Variants in ANXA10 observed in about 807,000 individuals in gnomAD.
The protein encoded by ANXA10 is annexin A10.
ANXA10 carries 49 observed loss-of-function variants against 53.5 expected under a neutral mutation model. The observed-to-expected ratio is 0.92, with a 90% confidence interval of 0.73 to 1.16. The LOEUF is 1.16. Among genes scored for constraint, ANXA10 ranks in the 50% most tolerant of loss-of-function variants. The pLI is 0.00. For missense variants in ANXA10, 393 were observed against 394.4 expected (o/e 1.00, Z 0.03); for synonymous variants, 131 against 128.9 (o/e 1.02, Z -0.11).
At chr4:168,153,226 T>G (rs757514462) in intron 3 of ANXA10, among the ~76,000 whole-genome samples, 7 of 151,988 alleles carry the variant, frequency 4.6e-5, no homozygotes, top group Admixed American at 1.3e-4. Context: ...AGTTTCTAGA[T>G]AGATTTGTAA....
At chr4:168,143,688 C>A (rs989234768) in intron 3 of ANXA10, among the ~76,000 whole-genome samples, 2 of 152,048 alleles carry the variant, frequency 1.3e-5, no homozygotes, top group Non-Finnish European at 2.9e-5. Flanking sequence ...AGCATTGATG[C>A]AATTAATTTT....
chr4:168,099,587 C>T (rs955034561), intron 1 of ANXA10, among the ~76,000 whole-genome samples: 4 of 152,050 alleles, frequency 2.6e-5, no homozygotes, highest in African/African-American at 9.7e-5. Context: ...ACAACTGAAC[C>T]TAATACAACT....
intron 6 of ANXA10, among the ~76,000 whole-genome samples, chr4:168,165,608 T>C (rs979068019): frequency 6.6e-6 from 1 of 152,154 alleles, no homozygotes; most frequent in Non-Finnish European, 1.5e-5. Flanking sequence ...TAATTTTATA[T>C]TCTGAGAAAA....
At chr4:168,120,714 G>GA (rs1730971381) in intron 1 of ANXA10, among the ~76,000 whole-genome samples, 1 of 151,932 alleles carries the variant, frequency 6.6e-6, no homozygotes, top group East Asian at 1.9e-4. Context: ...ATCTAAAATT[G>GA]AAAAATTGTT....
chr4:168,165,655 T>C (rs1295502650), intron 6 of ANXA10, among the ~76,000 whole-genome samples: 1 of 152,138 alleles, frequency 6.6e-6, no homozygotes, highest in African/African-American at 2.4e-5. Flanking sequence ...AAATTAATAA[T>C]TCTAATTAGA....
intron 1 of ANXA10, among the ~76,000 whole-genome samples, chr4:168,110,568 T>TGAAG (rs1344990708): frequency 6.6e-6 from 1 of 152,084 alleles, no homozygotes; most frequent in East Asian, 1.9e-4. Context: ...CTGTTATTTC[T>TGAAG]AACTCTGTAA....
At chr4:168,130,682 G>A (rs1005290638) in intron 2 of ANXA10, among the ~76,000 whole-genome samples, 1 of 151,842 alleles carries the variant, frequency 6.6e-6, no homozygotes, top group Non-Finnish European at 1.5e-5. Flanking sequence ...CTATGAGTTT[G>A]GGTAGGTTGT....
At chr4:168,158,028 C>T (rs898581771) in intron 3 of ANXA10, among the ~76,000 whole-genome samples, 2 of 152,096 alleles carry the variant, frequency 1.3e-5, no homozygotes, top group African/African-American at 2.4e-5. Context: ...AGTTTGCTAA[C>T]GTGGTTGCAA....
In ANXA10 at chr4:168,177,964, CT is replaced by C. The variant is rs758878378; in HGVS notation, c.610del (p.Tyr204ThrfsTer20). 1.2e-6 allele frequency: 2 copies of C among 1,613,614 alleles called. No individual in the cohort carries two copies. Among genetic ancestry groups the C allele is most frequent in the Admixed American group, 3.3e-5 (2 of 60,016 alleles). ...MLQMILCNKS[Y>X]QQLRLVFQEF... ...TGCAAATGATCCTGTGCAACAAGAG[CT>C]ACCAGCAGCTGCGGCTGGGTAATTA... On this transcript the variant is annotated frameshift_variant, in exon 8 of 12. Transcript: ENST00000359299. LOFTEE classifies it high-confidence loss of function.
chr4:168,187,396 C>A lies in ANXA10; in HGVS notation c.937C>A (p.Leu313Met). Residue 313 changes from leucine (L) to methionine (M), a missense_variant, in exon 12 of 12, where the codon CTG becomes ATG. Transcript: ENST00000359299. ...TGCTTCAGGGCATTATAAGAAAGCACTGCTTGCCATCTGTGCTGGTGATGC... is the reference window on the plus strand; with the variant it reads ...TGCTTCAGGGCATTATAAGAAAGCAATGCTTGCCATCTGTGCTGGTGATGC... ...NFASGHYKKA[L>M]LAICAGDAED... is the part of the protein sequence containing the mutation. 5 of 1,599,442 alleles carry A rather than the reference C, an allele frequency of 3.1e-6. No individual in the cohort carries two copies. The highest frequency in any genetic ancestry group is 1.7e-5 in the Admixed American group (1 of 59,514).
chr4:168,174,009 C>T (rs1732070117), intron 6 of ANXA10, among the ~76,000 whole-genome samples: 1 of 152,212 alleles, frequency 6.6e-6, no homozygotes, highest in East Asian at 1.9e-4. Flanking sequence ...AACTACCTGA[C>T]TTTGGGTAAG....
At chr4:168,092,758 T>A in intron 1 of ANXA10, 40 bp downstream of exon 1, 1 of 1,480,300 alleles carries the variant, frequency 6.8e-7, no homozygotes, top group Non-Finnish European at 9.0e-7. Flanking sequence ...TTTCACTCTT[T>A]TGAAACTTGA....
At chr4:168,148,760 C>A (rs138481527) in intron 3 of ANXA10, among the ~76,000 whole-genome samples, 70 of 151,630 alleles carry the variant, frequency 4.6e-4, no homozygotes, top group Middle Eastern at 3.5e-3. Context: ...TTTCTGATTT[C>A]GATGTGATTT....
At chr4:168,158,224 T>C (rs967806185) in intron 3 of ANXA10, among the ~76,000 whole-genome samples, 21 of 152,188 alleles carry the variant, frequency 1.4e-4, no homozygotes, top group African/African-American at 4.8e-4. Context: ...TTCCACAGGC[T>C]TATTCCCAGT....
intron 3 of ANXA10, among the ~76,000 whole-genome samples, chr4:168,155,754 TATATA>T (rs1241679030): frequency 6.5e-5 from 2 of 30,624 alleles, no homozygotes; most frequent in Non-Finnish European, 1.0e-4. Context: ...TATTATATAT[TATATA>T]ATATATGATA....
At chr4:168,103,143 CT>C (rs1420882562) in intron 1 of ANXA10, among the ~76,000 whole-genome samples, 2 of 151,944 alleles carry the variant, frequency 1.3e-5, no homozygotes, top group Non-Finnish European at 2.9e-5. Flanking sequence ...TTTAACAGTG[CT>C]TTTCACCAAG....
At chr4:168,124,640 AATAT>A (rs1464779983) in intron 1 of ANXA10, among the ~76,000 whole-genome samples, 2 of 152,160 alleles carry the variant, frequency 1.3e-5, no homozygotes, top group Non-Finnish European at 2.9e-5. Context: ...GTTGGATTGC[AATAT>A]ACTTTTTTGA....
chr4:168,187,677 G>T lies in ANXA10; in HGVS notation c.*243G>T. The T allele has an allele frequency of 3.3e-6, 1 of 305,088 alleles. No individual in the cohort carries two copies. The highest frequency in any genetic ancestry group is 6.1e-6 in the Non-Finnish European group (1 of 164,708). 18.9% of individuals were successfully genotyped at this position (305,088 alleles called of 1,614,324 possible). A position where few individuals can be genotyped will look rare whatever the true frequency, so the allele number is the denominator to read the frequency against. ...GCAATTAAATAAATTGTGCATGATG[G>T]AATAATAGAAAAATTGCATTGGAAT... On this transcript the variant is annotated 3_prime_UTR_variant, in exon 12 of 12. Transcript: ENST00000359299.
chr4:168,156,774 G>A lies in ANXA10; in HGVS notation c.196-5754G>A, dbSNP rs145814067. ...TGCCTCGGCCTCCCAAAGTGCTGGG[G>A]TTACAGGCATGAGCAACCATGCCCG... On this transcript the variant is annotated intron_variant, in intron 3 of 11. Transcript: ENST00000359299. Among the ~76,000 whole-genome samples, 1,485 of 151,818 alleles carry A rather than the reference G, an allele frequency of 9.8e-3. 20 individuals are homozygous for A. Among genetic ancestry groups the A allele is most frequent in the African/African-American group, 0.034 (1,402 of 41,390 alleles).
Sources: gnomAD v4.1 joint callset for allele counts (sites outside exome capture counted in the v4.1 genomes callset) on GRCh38, gnomAD v4.1.1 for gene constraint, MANE v1.5 for transcripts, NCBI Gene and HGNC (gene_info 2026-07-23, HGNC 2026-07-21) for gene names.